The following CIBAR1 variants were observed in gnomAD, a reference collection of about 807,000 sequenced individuals.
The protein encoded by CIBAR1 is CBY1 interacting BAR domain containing 1.
CIBAR1 carries 25 observed loss-of-function variants against 44.0 expected under a neutral mutation model. That is an observed-to-expected ratio of 0.57 (90% CI 0.41 to 0.79). The LOEUF (loss-of-function observed/expected upper bound fraction) is 0.79. CIBAR1 is among the 30% of genes least tolerant of loss of function. The pLI, the probability that CIBAR1 is intolerant of heterozygous loss-of-function variation, is 0.00. For synonymous variants in CIBAR1, 115 were observed against 119.0 expected, an observed-to-expected ratio of 0.97 and a Z score of 0.22; for missense variants, 278 against 344.8, an observed-to-expected ratio of 0.81 and a Z score of 1.53.
At chr8:93,725,718 TG>T (rs1241247401) in intron 7 of CIBAR1, 1 of 151,998 alleles carries the variant, frequency 6.6e-6, no homozygotes, top group Non-Finnish European at 1.5e-5. Flanking sequence ...AAATGCACAT[TG>T]GAACTAAATC....
intron 6 of CIBAR1, among the ~76,000 whole-genome samples, chr8:93,713,504 C>T (rs2130332104): frequency 6.6e-6 from 1 of 152,212 alleles, no homozygotes; most frequent in East Asian, 1.9e-4. Context: ...TTCATGAAAT[C>T]CAATTTATCT....
chr8:93,722,780 G>A (rs1020801541), intron 7 of CIBAR1, among the ~76,000 whole-genome samples: 1 of 152,078 alleles, frequency 6.6e-6, no homozygotes, highest in Non-Finnish European at 1.5e-5. Flanking sequence ...TCTTAGAAGA[G>A]ATCTTGGACC....
At chr8:93,704,604 TG>T (rs539429275) in intron 3 of CIBAR1, among the ~76,000 whole-genome samples, 310 of 152,326 alleles carry the variant, frequency 2.0e-3, no homozygotes, top group African/African-American at 7.2e-3. Context: ...CATTGAGTTT[TG>T]GACAAATGTT....
chr8:93,721,224 A>C (rs1811250196), intron 7 of CIBAR1: 1 of 152,246 alleles, frequency 6.6e-6, no homozygotes, highest in Non-Finnish European at 1.5e-5. Flanking sequence ...AAGAAGTAAC[A>C]CTGCATTTAG....
At chr8:93,715,502 C>T (rs1483346130) in intron 6 of CIBAR1, 2 of 152,054 alleles carry the variant, frequency 1.3e-5, no homozygotes, top group South Asian at 2.1e-4. Flanking sequence ...CAGATTTTTC[C>T]TATGCATATA....
chr8:93,727,149 A>C, intron 8 of CIBAR1: 1 of 1,282,166 alleles, frequency 7.8e-7, no homozygotes, highest in Non-Finnish European at 1.0e-6. Context: ...CTGGGCCGCA[A>C]CTTGCCAAAC....
chr8:93,700,995 C>G, intron 1 of CIBAR1: 2 of 1,405,612 alleles, frequency 1.4e-6, no homozygotes, highest in Non-Finnish European at 1.8e-6. Flanking sequence ...GCCACCTCCC[C>G]AGTTAAGGCC....
chr8:93,714,937 T>C (rs899503249), intron 6 of CIBAR1, among the ~76,000 whole-genome samples: 1 of 152,248 alleles, frequency 6.6e-6, no homozygotes, highest in Non-Finnish European at 1.5e-5. Context: ...TATTCTTACC[T>C]GTTATCAGGC....
In CIBAR1 at chr8:93,704,899, C is replaced by A; in HGVS notation, c.331-10C>A. ...GACATTTTTACTAACAAAAAAATGCCAATTTGCAGGATGACCTCAAAGCAA... is the reference window on the plus strand; with the variant it reads ...GACATTTTTACTAACAAAAAAATGCAAATTTGCAGGATGACCTCAAAGCAA... On this transcript the variant is annotated splice_polypyrimidine_tract_variant and intron_variant, in intron 3 of 8. Coordinates refer to ENST00000518322, the MANE Select transcript of CIBAR1 (RefSeq NM_145269.5). The A allele has an allele frequency of 6.5e-7, 1 of 1,538,518 alleles. No homozygotes were observed. The highest frequency in any genetic ancestry group is 8.8e-7 in the Non-Finnish European group (1 of 1,141,296).
At chr8:93,707,980 A>C in intron 4 of CIBAR1, 31 bp from the exon 5 acceptor site, 1 of 1,507,878 alleles carries the variant, frequency 6.6e-7, no homozygotes. Context: ...CTCTCTTTGA[A>C]ATGTATTTTT....
At chr8:93,712,429 A>G (rs1363084671) in intron 6 of CIBAR1, among the ~76,000 whole-genome samples, 2 of 152,184 alleles carry the variant, frequency 1.3e-5, no homozygotes, top group Non-Finnish European at 2.9e-5. Context: ...TGGATATACC[A>G]CATTTTGTTT....
At chr8:93,727,892 T>C (rs1811600196) in intron 8 of CIBAR1, among the ~76,000 whole-genome samples, 1 of 152,170 alleles carries the variant, frequency 6.6e-6, no homozygotes, top group Non-Finnish European at 1.5e-5. Context: ...TCAAATGCTG[T>C]TTCTGTGACC....
chr8:93,700,825 T>C, intron 1 of CIBAR1, 152 bp downstream of exon 1: 1 of 1,321,258 alleles, frequency 7.6e-7, no homozygotes, highest in Non-Finnish European at 9.6e-7. Context: ...CCTAATTCCT[T>C]GGGCTGCAGC....
chr8:93,725,077 G>T (rs1811424286), intron 7 of CIBAR1, among the ~76,000 whole-genome samples: 2 of 152,100 alleles, frequency 1.3e-5, no homozygotes, highest in South Asian at 4.2e-4. Flanking sequence ...CTGCCTCCCA[G>T]GCTCAAGTGA....
rs1371586537 is a variant in CIBAR1 at position 93,728,493 on chromosome 8, C to T, written c.*196C>T. The T allele has an allele frequency of 1.2e-5, 5 of 424,014 alleles. No individual in the cohort carries two copies. The highest frequency in any genetic ancestry group is 2.1e-5 in the African/African-American group (1 of 47,914). The allele number at this position is 424,014 out of a possible 1,614,324, so 26.3% of individuals were successfully genotyped here. ...CATACCAGTCATTTCAACATCCTAC[C>T]TAGTGTTACATGATTTTTGTGTAAG... On this transcript the variant is annotated 3_prime_UTR_variant, in exon 9 of 9. Coordinates refer to ENST00000518322, the MANE Select transcript of CIBAR1 (RefSeq NM_145269.5).
At chr8:93,707,613 T>A (rs948338444) in intron 4 of CIBAR1, among the ~76,000 whole-genome samples, 1 of 151,884 alleles carries the variant, frequency 6.6e-6, no homozygotes, top group Non-Finnish European at 1.5e-5. Context: ...GATTTTTTCA[T>A]AGTAGTAAGT....
chr8:93,703,142 G>A (rs1810430381), intron 2 of CIBAR1, among the ~76,000 whole-genome samples: 1 of 151,026 alleles, frequency 6.6e-6, no homozygotes, highest in African/African-American at 2.4e-5. Context: ...TGGCTTCTCA[G>A]AAAAAAAAAT....
At chr8:93,725,285 A>T (rs888416977) in intron 7 of CIBAR1, among the ~76,000 whole-genome samples, 1 of 152,212 alleles carries the variant, frequency 6.6e-6, no homozygotes, top group African/African-American at 2.4e-5. Context: ...GTGCAGCAGC[A>T]TTGTTTTTAT....
intron 3 of CIBAR1, among the ~76,000 whole-genome samples, chr8:93,704,020 C>T (rs1027036545): frequency 5.3e-5 from 8 of 151,128 alleles, no homozygotes; most frequent in Non-Finnish European, 1.0e-4. Flanking sequence ...GCTGAGATAG[C>T]GCCACTGCAC....
Sources: allele counts gnomAD v4.1 joint callset (sites outside exome capture counted in the v4.1 genomes callset), GRCh38; gene constraint gnomAD v4.1.1; transcripts MANE v1.5; gene names NCBI Gene and HGNC (gene_info 2026-07-23, HGNC 2026-07-21).